Variants in SARS2 observed in about 807,000 individuals in gnomAD.
SARS2 encodes the protein seryl-tRNA synthetase 2, mitochondrial.
A neutral mutation model predicts 66.8 loss-of-function variants in SARS2; 52 were observed. The observed-to-expected ratio is 0.78, with a 90% CI of 0.62 to 0.98. SARS2 has a LOEUF of 0.98. SARS2 is among the 50% of genes least tolerant of loss of function. The pLI is 0.00. For synonymous variants in SARS2, 306 were observed against 281.4 expected (o/e 1.09, Z -0.87); for missense variants, 673 against 706.3 (o/e 0.95, Z 0.53).
intron 1 of SARS2, among the ~76,000 whole-genome samples, chr19:38,928,537 A>C (rs1221775148): frequency 2.0e-5 from 3 of 151,836 alleles, no homozygotes; most frequent in Non-Finnish European, 4.4e-5. Flanking sequence ...AACCGGTTTC[A>C]ATTTTGGGTG....
chr19:38,916,270 C>A lies in SARS2; in HGVS notation c.1205G>T (p.Arg402Leu), dbSNP rs370842354. ...PTQELGLPAY[R>L]KFDIEAWMPG... ...CATCCAGGCCTCAATGTCAAACTTG[C>A]GGTAGGCGGGGAGGCCCAGTTCTTG... The change falls in exon 13 of 16, where the codon CGC (arginine) becomes CTC (leucine). Residue 402 changes from arginine (R) to leucine (L), a missense_variant. By Grantham distance (102) the Arg-to-Leu change is moderately radical. Coordinates refer to ENST00000221431, the MANE Select transcript of SARS2 (RefSeq NM_017827.4). 6.2e-7 allele frequency: 1 copy of A among 1,614,050 alleles called. No homozygotes were observed. The highest frequency in any genetic ancestry group is 8.5e-7 in the Non-Finnish European group (1 of 1,179,970).
chr19:38,917,835 TG>T lies in SARS2; in HGVS notation c.1051-3del. The T allele has an allele frequency of 6.2e-7, 1 of 1,613,946 alleles. No homozygotes were observed. The highest frequency in any genetic ancestry group is 8.5e-7 in the Non-Finnish European group (1 of 1,179,792). On this transcript the variant is annotated splice_polypyrimidine_tract_variant and splice_region_variant and intron_variant, in intron 11 of 15. Coordinates refer to ENST00000221431, the MANE Select transcript of SARS2 (RefSeq NM_017827.4). ...GCCTGTCACCCCAAACATCTCCACC[TG>T]GGACAGAGGGCACAGGAGTCAGGAG...
intron 3 of SARS2, chr19:38,921,868 G>T: frequency 1.5e-6 from 2 of 1,339,380 alleles, no homozygotes; most frequent in Non-Finnish European, 2.1e-6. Flanking sequence ...TGGCCAACTA[G>T]AACGTTCTAT....
chr19:38,919,029 CA>C (rs1974471308), intron 7 of SARS2, among the ~76,000 whole-genome samples: 1 of 152,006 alleles, frequency 6.6e-6, no homozygotes, highest in African/African-American at 2.4e-5. Context: ...GCCAACATGG[CA>C]AAACCCCCTC....
chr19:38,917,089 A>C (rs1974431160), intron 12 of SARS2, among the ~76,000 whole-genome samples: 1 of 151,590 alleles, frequency 6.6e-6, no homozygotes, highest in Non-Finnish European at 1.5e-5. Flanking sequence ...CAGTCTCCCA[A>C]GTAGCTGGGA....
intron 14 of SARS2, 46 bp from the exon 15 acceptor site, chr19:38,915,952 C>A (rs1230590885): frequency 6.2e-7 from 1 of 1,612,926 alleles, no homozygotes. Flanking sequence ...CCAAGCTGAG[C>A]CCGGGGAGGA....
intron 7 of SARS2, among the ~76,000 whole-genome samples, chr19:38,919,225 T>G (rs964939788): frequency 6.6e-6 from 1 of 152,166 alleles, no homozygotes; most frequent in African/African-American, 2.4e-5. Context: ...AGGTGGAGGT[T>G]GCAGTGAGCC....
chr19:38,924,635 C>T (rs1271528221), intron 2 of SARS2, among the ~76,000 whole-genome samples: 2 of 151,984 alleles, frequency 1.3e-5, no homozygotes, highest in African/African-American at 4.8e-5. Flanking sequence ...GTGAGACTTA[C>T]GTACTTTTTC....
At position 38,928,426 on chromosome 19, in the gene SARS2, C is replaced by T. The variant is rs1464420188; in HGVS notation, c.267+2044G>A. 4.3e-4 allele frequency: 20 copies of T among 46,422 alleles called. 1 individual carries two copies. Among genetic ancestry groups the T allele is most frequent in the African/African-American group, 1.7e-3 (13 of 7,596 alleles). The allele number at this position is 46,422 out of a possible 1,614,324, so 2.9% of individuals were successfully genotyped here. On this transcript the variant is annotated intron_variant, in intron 1 of 15. Transcript: ENST00000221431. Reference sequence around the variant, plus strand: ...AAAACACACCCCTGGCCCCCCCCCCCGCAAAAAAAAAAAACAACAACTAGC... The same window carrying T: ...AAAACACACCCCTGGCCCCCCCCCCTGCAAAAAAAAAAAACAACAACTAGC...
At chr19:38,918,876 T>C in intron 7 of SARS2, 63 bp from the exon 8 acceptor site, 1 of 1,497,260 alleles carries the variant, frequency 6.7e-7, no homozygotes, top group Non-Finnish European at 9.1e-7. Flanking sequence ...AGCTCAGCCC[T>C]GAAGAAGGGG....
intron 2 of SARS2, among the ~76,000 whole-genome samples, chr19:38,923,061 G>A (rs1453128596): frequency 3.3e-5 from 3 of 91,152 alleles, no homozygotes; most frequent in South Asian, 3.7e-4. Context: ...CCGCCACCAC[G>A]ATCGGCTAAT....
At chr19:38,929,513 C>A (rs1974692165) in intron 1 of SARS2, among the ~76,000 whole-genome samples, 1 of 150,868 alleles carries the variant, frequency 6.6e-6, no homozygotes, top group South Asian at 2.1e-4. Context: ...TATAATTGTA[C>A]CACTGTACTC....
rs1304467824 is a variant in SARS2, at chr19:38,916,138, G to A, written c.1255-9C>T. Reference sequence around the variant, plus strand: ...TTGGAAGCACTGGTGACCTGGGGTGGAGGAGCGGCAGGCTGAGCGGATCAG... The same window carrying A: ...TTGGAAGCACTGGTGACCTGGGGTGAAGGAGCGGCAGGCTGAGCGGATCAG... On this transcript the variant is annotated splice_polypyrimidine_tract_variant and intron_variant, in intron 13 of 15. Coordinates refer to ENST00000221431, the MANE Select transcript of SARS2 (RefSeq NM_017827.4). The A allele has an allele frequency of 2.5e-6, 4 of 1,613,814 alleles. No homozygotes were observed. In the South Asian group the frequency reaches 4.4e-5, roughly 18 times the overall value.
chr19:38,929,890 A>G (rs1435957161), intron 1 of SARS2, among the ~76,000 whole-genome samples: 1 of 152,236 alleles, frequency 6.6e-6, no homozygotes, highest in Non-Finnish European at 1.5e-5. Flanking sequence ...AAGTGCTAGC[A>G]ATTTTATTAT....
intron 1 of SARS2, among the ~76,000 whole-genome samples, chr19:38,927,030 A>G (rs1387247954): frequency 6.8e-6 from 1 of 147,110 alleles, no homozygotes; most frequent in African/African-American, 2.5e-5. Flanking sequence ...TCTGCCTCCC[A>G]GGTTCAGGTG....
intron 2 of SARS2, 144 bp downstream of exon 2, chr19:38,926,061 C>T (rs1974621565): frequency 1.4e-6 from 1 of 723,858 alleles, no homozygotes; most frequent in African/African-American, 1.7e-5. Flanking sequence ...GCTGATCCAC[C>T]AACCTAGGCC....
chr19:38,920,474 G>C (rs1600166381), intron 5 of SARS2, among the ~76,000 whole-genome samples: 1 of 151,902 alleles, frequency 6.6e-6, no homozygotes, highest in African/African-American at 2.4e-5. Flanking sequence ...GGGAGGAGGA[G>C]AATCAGAGAG....
At chr19:38,917,505 C>G (rs1462525085) in intron 12 of SARS2, among the ~76,000 whole-genome samples, 1 of 152,218 alleles carries the variant, frequency 6.6e-6, no homozygotes, top group Non-Finnish European at 1.5e-5. Flanking sequence ...CTCTGGCACA[C>G]CGTGCACTGT....
chr19:38,928,992 G>A (rs963954764), intron 1 of SARS2, among the ~76,000 whole-genome samples: 1 of 152,120 alleles, frequency 6.6e-6, no homozygotes, highest in African/African-American at 2.4e-5. Flanking sequence ...CAAGGTGGGT[G>A]GATCACTTGA....
Sources: allele counts gnomAD v4.1 joint callset (sites outside exome capture counted in the v4.1 genomes callset), GRCh38; gene constraint gnomAD v4.1.1; transcripts MANE v1.5; gene names NCBI Gene and HGNC (gene_info 2026-07-23, HGNC 2026-07-21).